Variants in PRTG observed in about 807,000 individuals in gnomAD.
The protein encoded by PRTG is immunoglobulin superfamily, DCC subclass, member 5.
In PRTG, 67 loss-of-function variants were observed where a neutral mutation model predicts 122.5. The ratio of observed to expected loss-of-function variants is 0.55; its 90% CI spans 0.45 to 0.67. The LOEUF is 0.67. Among genes scored for constraint, PRTG ranks in the 30% least tolerant of loss-of-function variants. PRTG has a pLI of 0.00. For synonymous variants in PRTG, 554 were observed against 501.1 expected, an observed-to-expected ratio of 1.11 and a Z score of -1.41; for missense variants, 1,435 against 1,415.4, an observed-to-expected ratio of 1.01 and a Z score of -0.22.
rs771088892 is a variant in PRTG at position 55,637,245 on chromosome 15, C to G, written c.2548G>C (p.Val850Leu). ...WKPPDGPETV[V>L]TRYTILYASR... ...GCATATAAGATAGTATAGCGGGTCA[C>G]AACTGTTTCTGGGCCATCAGGGGGT... is the stretch of plus-strand genomic sequence containing the variant. The change falls in exon 15 of 20, where the codon GTG becomes CTG. Residue 850 changes from valine (V) to leucine (L), a missense_variant. Physicochemically the swap from Val to Leu is conservative, Grantham distance 32. Transcript: ENST00000389286. 1 of 1,614,068 alleles carries G rather than the reference C, an allele frequency of 6.2e-7. No homozygotes were observed. Among genetic ancestry groups the G allele is most frequent in the East Asian group, 2.2e-5 (1 of 44,874 alleles).
chr15:55,664,142 G>A (rs1462776738), intron 11 of PRTG, among the ~76,000 whole-genome samples: 4 of 151,768 alleles, frequency 2.6e-5, no homozygotes, highest in African/African-American at 9.7e-5. Flanking sequence ...GGTGGGAGGT[G>A]TTTTTGTTTT....
rs1352369431 is a variant in PRTG, at chr15:55,641,140, G to A, written c.2110C>T (p.Gln704Ter). ...NNIDDGYQADQTVSTPGCVSV... is the reference protein window; with the variant it reads ...NNIDDGYQAD ...ACGCATCCTGGAGTGCTGACAGTCT[G>A]ATCTGCCTGATAGCCATCGTCTATG... The change falls in exon 12 of 20, where the codon CAG becomes TAG. Residue 704 changes from glutamine to a stop codon, truncating the protein, a stop_gained. Coordinates refer to ENST00000389286, the MANE Select transcript of PRTG (RefSeq NM_173814.6). LOFTEE classifies it high-confidence loss of function. The A allele has an allele frequency of 1.2e-6, 2 of 1,613,788 alleles. No individual in the cohort carries two copies. Among genetic ancestry groups the A allele is most frequent in the Non-Finnish European group, 1.7e-6 (2 of 1,179,710 alleles).
chr15:55,620,063 G>T lies in PRTG; in HGVS notation c.3402C>A (p.Asn1134Lys). The T allele has an allele frequency of 2.5e-6, 4 of 1,614,158 alleles. No homozygotes were observed. The highest frequency in any genetic ancestry group is 3.4e-6 in the Non-Finnish European group (4 of 1,180,040). The part of the protein sequence containing the change: ...GDSGRFSHES[N>K]DEIHLSSVIS... ...TAACTGAGGACAGATGTATCTCATC[G>T]TTGGACTCATGAGAAAACCGCCCAG... The change falls in exon 20 of 20, where the codon AAC becomes AAA. Residue 1134 changes from asparagine to lysine, a missense_variant. Coordinates refer to ENST00000389286, the MANE Select transcript of PRTG (RefSeq NM_173814.6).
intron 19 of PRTG, 108 bp from the exon 20 acceptor site, chr15:55,620,374 T>C (rs991609875): frequency 1.3e-5 from 19 of 1,514,984 alleles, no homozygotes; most frequent in East Asian, 2.3e-5. Flanking sequence ...GAATTACCCG[T>C]GGCAAGCGAA....
intron 2 of PRTG, among the ~76,000 whole-genome samples, chr15:55,724,725 T>G (rs2030962165): frequency 6.6e-6 from 1 of 151,966 alleles, no homozygotes; most frequent in Admixed American, 6.6e-5. Context: ...ACCATGGCAC[T>G]CCAGCCTAGG....
chr15:55,630,076 G>A (rs573388215), intron 15 of PRTG, among the ~76,000 whole-genome samples: 3 of 149,160 alleles, frequency 2.0e-5, no homozygotes, highest in Non-Finnish European at 3.0e-5. Flanking sequence ...CAGCTCCGCC[G>A]CCCAGGTTCA....
At chr15:55,657,124 C>G (rs1273135852) in intron 11 of PRTG, among the ~76,000 whole-genome samples, 2 of 152,110 alleles carry the variant, frequency 1.3e-5, no homozygotes, top group Admixed American at 6.6e-5. Flanking sequence ...CCTCTTGGGA[C>G]ACAGAATTAC....
At position 55,627,014 on chromosome 15, in the gene PRTG, T is replaced by C; in HGVS notation, c.2921A>G (p.Lys974Arg). ...ICVLILIYRSKARKSSASKTA... is the reference protein window; with the variant it reads ...ICVLILIYRSRARKSSASKTA... ...TCTAGCAATGGAAACACACCTGGCT[T>C]TACTTCGGTATATCAAGATGAGAAC... is the stretch of plus-strand genomic sequence containing the variant. The change falls in exon 17 of 20, where the codon AAA becomes AGA. Residue 974 changes from lysine (K) to arginine (R), a missense_variant. Lys to Arg is a conservative substitution (Grantham distance 26). Coordinates refer to ENST00000389286, the MANE Select transcript of PRTG (RefSeq NM_173814.6). The C allele has an allele frequency of 1.2e-6, 2 of 1,606,078 alleles. No homozygotes were observed. The highest frequency in any genetic ancestry group is 1.7e-6 in the Non-Finnish European group (2 of 1,177,168).
At chr15:55,722,025 C>T (rs973105407) in intron 2 of PRTG, among the ~76,000 whole-genome samples, 2 of 152,156 alleles carry the variant, frequency 1.3e-5, no homozygotes, top group Non-Finnish European at 2.9e-5. Flanking sequence ...TGCCCCTTCC[C>T]CCAGACTTGG....
intron 16 of PRTG, among the ~76,000 whole-genome samples, chr15:55,627,371 G>C (rs2059201017): frequency 6.7e-6 from 1 of 148,178 alleles, no homozygotes; most frequent in Non-Finnish European, 1.5e-5. Flanking sequence ...TGTTGCCCAG[G>C]CTAGTGCAGT....
chr15:55,616,086 C>T lies in PRTG; in HGVS notation c.*3926G>A, dbSNP rs751356911. On this transcript the variant is annotated 3_prime_UTR_variant, in exon 20 of 20. Coordinates refer to ENST00000389286, the MANE Select transcript of PRTG (RefSeq NM_173814.6). ...TAAGAATCTAATTTCTTTGGTATGG[C>T]AAAACTGATTTTTAAAAGTCACTTA... The T allele has an allele frequency of 3.3e-5, 5 of 152,022 alleles. No homozygotes were observed. Among genetic ancestry groups the T allele is most frequent in the Non-Finnish European group, 5.9e-5 (4 of 67,960 alleles). The allele number at this position is 152,022 out of a possible 1,614,324, so 9.4% of individuals were successfully genotyped here.
chr15:55,730,596 C>G (rs2031195958), intron 2 of PRTG, among the ~76,000 whole-genome samples: 1 of 152,018 alleles, frequency 6.6e-6, no homozygotes, highest in African/African-American at 2.4e-5. Flanking sequence ...GTCAGGATAT[C>G]AAGACCATCC....
At chr15:55,683,175 T>C (rs920117945) in intron 3 of PRTG, among the ~76,000 whole-genome samples, 1 of 151,756 alleles carries the variant, frequency 6.6e-6, no homozygotes, top group Non-Finnish European at 1.5e-5. Flanking sequence ...CCAAGACATA[T>C]GTAGATATGC....
intron 2 of PRTG, among the ~76,000 whole-genome samples, chr15:55,710,672 T>C (rs2030343389): frequency 6.6e-6 from 1 of 152,006 alleles, no homozygotes; most frequent in Non-Finnish European, 1.5e-5. Context: ...CTATTTTTGA[T>C]ACCTCTAAAA....
rs2059120780 is a variant in PRTG at position 55,611,632 on chromosome 15, T to C, written c.*8380A>G. On this transcript the variant is annotated 3_prime_UTR_variant, in exon 20 of 20. Coordinates refer to ENST00000389286, the MANE Select transcript of PRTG (RefSeq NM_173814.6). ...TTCATAAACATTTTGGCATTTAAAC[T>C]TTTATTCATTTTTGGCATGACCTAT... 6.6e-6 allele frequency: 1 copy of C among 152,152 alleles called. No homozygotes were observed. Among genetic ancestry groups the C allele is most frequent in the Non-Finnish European group, 1.5e-5 (1 of 67,986 alleles). 9.4% of individuals were successfully genotyped at this position (152,152 alleles called of 1,614,324 possible).
chr15:55,612,482 C>T lies in PRTG; in HGVS notation c.*7530G>A, dbSNP rs565642747. Reference sequence around the variant, plus strand: ...AAGCCAATCATATAATTCTTCCCAACAAACCCTACATATGAACTCGAATAA... The same window carrying T: ...AAGCCAATCATATAATTCTTCCCAATAAACCCTACATATGAACTCGAATAA... On this transcript the variant is annotated 3_prime_UTR_variant, in exon 20 of 20. Transcript: ENST00000389286. 20 of 151,860 alleles carry T rather than the reference C, an allele frequency of 1.3e-4. No individual in the cohort carries two copies. Among genetic ancestry groups the T allele is most frequent in the African/African-American group, 4.8e-4 (20 of 41,400 alleles). 9.4% of individuals were successfully genotyped at this position (151,860 alleles called of 1,614,324 possible). A position where few individuals can be genotyped will look rare whatever the true frequency, so the allele number is the denominator to read the frequency against.
intron 2 of PRTG, among the ~76,000 whole-genome samples, chr15:55,684,187 A>T (rs2059557478): frequency 6.6e-6 from 1 of 152,266 alleles, no homozygotes; most frequent in South Asian, 2.1e-4. Context: ...GGAGATAAAA[A>T]GTTAACATAT....
At chr15:55,729,827 C>G (rs1381139074) in intron 2 of PRTG, among the ~76,000 whole-genome samples, 4 of 152,104 alleles carry the variant, frequency 2.6e-5, no homozygotes, top group Non-Finnish European at 4.4e-5. Flanking sequence ...AAAATCACTG[C>G]TTTAGATCAA....
chr15:55,652,065 T>C (rs2059355894), intron 11 of PRTG, among the ~76,000 whole-genome samples: 1 of 151,930 alleles, frequency 6.6e-6, no homozygotes, highest in Non-Finnish European at 1.5e-5. Flanking sequence ...ATAAAGAAAA[T>C]AAAAAAGCAT....
Sources: gnomAD v4.1 joint callset for allele counts (sites outside exome capture counted in the v4.1 genomes callset) on GRCh38, gnomAD v4.1.1 for gene constraint, MANE v1.5 for transcripts, NCBI Gene and HGNC (gene_info 2026-07-23, HGNC 2026-07-21) for gene names.